The following CAPN9 variants were observed in gnomAD, a reference collection of about 807,000 sequenced individuals.
The protein encoded by CAPN9 is calpain 9, also known as calpain-9.
In CAPN9, 81 loss-of-function variants were observed where a neutral mutation model predicts 92.8. The ratio of observed to expected loss-of-function variants is 0.87; its 90% confidence interval spans 0.73 to 1.05. CAPN9 has a LOEUF of 1.05. CAPN9 is among the 50% of genes least tolerant of loss of function. The pLI is 0.00. For synonymous variants in CAPN9, 304 were observed against 328.0 expected (o/e 0.93, Z 0.79); for missense variants, 848 against 866.2 (o/e 0.98, Z 0.26).
At position 230,774,334 on chromosome 1, in the gene CAPN9, C is replaced by T. The variant is rs577504862; in HGVS notation, c.876-220C>T. 6.9e-4 allele frequency among the ~76,000 whole-genome samples: 105 copies of T among 152,352 alleles called. 2 individuals carry two copies. In the South Asian group the frequency reaches 0.021, roughly 30 times the overall value. On this transcript the variant is annotated intron_variant, in intron 7 of 19. Transcript: ENST00000271971. The stretch of plus-strand genomic sequence containing the variant: ...CAGATCATCCTCAGGGGTATTTTAT[C>T]CATCAGCAACACTTGGAGATGTACT...
At chr1:230,779,448 T>C (rs1667058991) in intron 9 of CAPN9, among the ~76,000 whole-genome samples, 1 of 152,030 alleles carries the variant, frequency 6.6e-6, no homozygotes, top group Non-Finnish European at 1.5e-5. Context: ...TCAGGCACAG[T>C]TCTATCAGGG....
intron 14 of CAPN9, chr1:230,790,482 T>G (rs1166168465): frequency 1.7e-5 from 3 of 173,884 alleles, no homozygotes; most frequent in African/African-American, 7.2e-5. Flanking sequence ...TATGTACATG[T>G]GTGTCATATG....
At chr1:230,749,162 T>G (rs547339626) in intron 1 of CAPN9, among the ~76,000 whole-genome samples, 1 of 152,332 alleles carries the variant, frequency 6.6e-6, no homozygotes, top group East Asian at 1.9e-4. Context: ...AGTGGCCCTA[T>G]CGGAGTTGGG....
intron 6 of CAPN9, among the ~76,000 whole-genome samples, chr1:230,769,671 A>G (rs890456352): frequency 2.6e-5 from 3 of 113,720 alleles, no homozygotes; most frequent in African/African-American, 8.9e-5. Flanking sequence ...CTATCTATCT[A>G]TCTATCTATC....
At chr1:230,776,709 T>C (rs1369443520) in intron 8 of CAPN9, 3 of 152,248 alleles carry the variant, frequency 2.0e-5, no homozygotes, top group Non-Finnish European at 4.4e-5. Flanking sequence ...AAACGCCTTC[T>C]ATTGTGTGGC....
In CAPN9 at chr1:230,780,660, A is replaced by T; in HGVS notation, c.1433A>T (p.Glu478Val). 6.2e-7 allele frequency: 1 copy of T among 1,614,110 alleles called. No individual in the cohort carries two copies. Among genetic ancestry groups the T allele is most frequent in the East Asian group, 2.2e-5 (1 of 44,882 alleles). Residue 478 changes from glutamate (E) to valine (V), a missense_variant, in exon 11 of 20, where the codon GAA (glutamate) becomes GTA (valine). Transcript: ENST00000271971. ...CCCAGCACTTTTGAGCCCCACCAGG[A>T]AGCTGATTTCTGTCTGAGAATCTTT... The part of the protein sequence containing the change: ...LIPSTFEPHQ[E>V]ADFCLRIFSE...
intron 6 of CAPN9, among the ~76,000 whole-genome samples, chr1:230,771,734 A>ACTTTACTTCCCAG: frequency 6.6e-6 from 1 of 152,218 alleles, no homozygotes; most frequent in Non-Finnish European, 1.5e-5. Flanking sequence ...ATTTCTTGTT[A>ACTTTACTTCCCAG]ATTGCAATTC....
chr1:230,763,438 A>G (rs1237795863), intron 4 of CAPN9, among the ~76,000 whole-genome samples: 1 of 152,004 alleles, frequency 6.6e-6, no homozygotes, highest in Non-Finnish European at 1.5e-5. Context: ...ACACCACTCT[A>G]CTTTCTGTTT....
intron 6 of CAPN9, among the ~76,000 whole-genome samples, chr1:230,770,747 C>G (rs913378402): frequency 4.6e-5 from 7 of 152,234 alleles, no homozygotes; most frequent in African/African-American, 1.7e-4. Context: ...GCCCAGCAGC[C>G]TGCCTTGCCC....
At chr1:230,801,105 G>T (rs1039484473) in intron 19 of CAPN9, among the ~76,000 whole-genome samples, 1 of 152,106 alleles carries the variant, frequency 6.6e-6, no homozygotes, top group African/African-American at 2.4e-5. Flanking sequence ...AAATGAGGAG[G>T]AATTCCATGC....
intron 6 of CAPN9, among the ~76,000 whole-genome samples, chr1:230,771,071 G>A (rs981613502): frequency 6.6e-6 from 1 of 152,108 alleles, no homozygotes; most frequent in African/African-American, 2.4e-5. Context: ...CGTATTCCAC[G>A]TAACAACAGA....
At chr1:230,800,711 A>T (rs1394792017) in intron 19 of CAPN9, among the ~76,000 whole-genome samples, 1 of 152,288 alleles carries the variant, frequency 6.6e-6, no homozygotes, top group South Asian at 2.1e-4. Context: ...AAAAATCCTG[A>T]TACCCCAGCC....
chr1:230,792,349 C>A, intron 15 of CAPN9, 77 bp from the exon 16 acceptor site: 1 of 1,245,516 alleles, frequency 8.0e-7, no homozygotes, highest in Non-Finnish European at 1.2e-6. Context: ...TCCCCCTCTG[C>A]AGTCCCAGAG....
At chr1:230,800,577 A>T (rs893759396) in intron 19 of CAPN9, among the ~76,000 whole-genome samples, 1 of 152,120 alleles carries the variant, frequency 6.6e-6, no homozygotes, top group Admixed American at 6.6e-5. Context: ...TAGGGGCTGG[A>T]ATAGGCTCCT....
chr1:230,762,877 C>T (rs1665736316), intron 4 of CAPN9, 91 bp downstream of exon 4: 3 of 1,259,728 alleles, frequency 2.4e-6, no homozygotes, highest in Admixed American at 2.6e-5. Flanking sequence ...GGGAAAAAAT[C>T]AGGGCTCTGG....
At chr1:230,796,530 C>T (rs915511748) in intron 18 of CAPN9, among the ~76,000 whole-genome samples, 6 of 152,036 alleles carry the variant, frequency 3.9e-5, no homozygotes, top group Non-Finnish European at 8.8e-5. Flanking sequence ...AATTTCTGGA[C>T]AATCAATGAG....
chr1:230,797,859 C>G (rs1450793104), intron 18 of CAPN9, among the ~76,000 whole-genome samples: 1 of 152,206 alleles, frequency 6.6e-6, no homozygotes, highest in Non-Finnish European at 1.5e-5. Context: ...TTCAAGGGCC[C>G]TGTACCCCCC....
chr1:230,788,895 T>C (rs1667788382), intron 13 of CAPN9, among the ~76,000 whole-genome samples: 2 of 152,234 alleles, frequency 1.3e-5, no homozygotes, highest in South Asian at 2.1e-4. Context: ...AGGGAAGCGG[T>C]GAATGTTGCA....
chr1:230,771,771 G>A (rs566354246), intron 6 of CAPN9, among the ~76,000 whole-genome samples: 2 of 152,318 alleles, frequency 1.3e-5, no homozygotes, highest in African/African-American at 4.8e-5. Flanking sequence ...TGTGGCATAA[G>A]CATTTTGGTG....
Sources: gnomAD v4.1 joint callset for allele counts (sites outside exome capture counted in the v4.1 genomes callset) on GRCh38, gnomAD v4.1.1 for gene constraint, MANE v1.5 for transcripts, NCBI Gene and HGNC (gene_info 2026-07-23, HGNC 2026-07-21) for gene names.